BACH2: variants seen among roughly 807,000 people sequenced by gnomAD.
The protein encoded by BACH2 is BACH transcriptional regulator 2.
In BACH2, 5 loss-of-function variants were observed where a neutral mutation model predicts 61.8. That is an observed-to-expected ratio of 0.08 (90% confidence interval 0.04 to 0.17). The LOEUF (loss-of-function observed/expected upper bound fraction) is 0.17. BACH2 is among the 10% of genes least tolerant of loss of function. BACH2 has a pLI of 1.00. For missense variants in BACH2, 824 were observed against 1,091.1 expected (o/e 0.76, Z 3.45); for synonymous variants, 446 against 440.1 (o/e 1.01, Z -0.17).
At chr6:89,977,281 C>T (rs1775702993) in intron 6 of BACH2, among the ~76,000 whole-genome samples, 1 of 152,112 alleles carries the variant, frequency 6.6e-6, no homozygotes, top group African/African-American at 2.4e-5. Flanking sequence ...AAGCCATGTA[C>T]AGAAGGTTAG....
chr6:90,028,217 C>G (rs1778737101), intron 5 of BACH2, among the ~76,000 whole-genome samples: 1 of 152,228 alleles, frequency 6.6e-6, no homozygotes, highest in Admixed American at 6.5e-5. Context: ...ATTATCCTCA[C>G]CACTATTTGA....
At chr6:90,236,390 C>T (rs1201912910) in intron 3 of BACH2, among the ~76,000 whole-genome samples, 1 of 152,178 alleles carries the variant, frequency 6.6e-6, no homozygotes, top group Non-Finnish European at 1.5e-5. Flanking sequence ...AAAGAGTTCA[C>T]ACAATTAGCA....
chr6:90,252,401 AT>A (rs1403870908), intron 3 of BACH2, 111 bp downstream of exon 3: 2 of 152,182 alleles, frequency 1.3e-5, no homozygotes, highest in African/African-American at 4.8e-5. Context: ...AGTGTAAACC[AT>A]TTTGTTTCTT....
intron 5 of BACH2, among the ~76,000 whole-genome samples, chr6:90,070,160 G>A (rs1430812784): frequency 6.6e-6 from 1 of 152,162 alleles, no homozygotes. Context: ...GTTGGTCAAG[G>A]AGCAGGGGTT....
rs1774123490 is a variant in BACH2, at chr6:89,951,604, C to T, written c.502G>A (p.Glu168Lys). ...GCCGTCTCTGAATCCATCGTCTCCTCCTCTTCATCCTCCTCCTCTCCTGCA... is the reference window on the plus strand; with the variant it reads ...GCCGTCTCTGAATCCATCGTCTCCTTCTCTTCATCCTCCTCCTCTCCTGCA... ...NSAGEEEDEE[E>K]ETMDSETAKM... is the part of the protein sequence containing the mutation. Residue 168 changes from glutamate to lysine, a missense_variant, in exon 7 of 9, where the codon GAG becomes AAG. Physicochemically the swap from Glu to Lys is moderately conservative, Grantham distance 56. This residue lies in a region of BACH2 where 107 missense variants were observed against 121.7 expected (regional missense o/e 0.88). Transcript: ENST00000257749. The surrounding 1 kb of genome is among the most constrained non-coding windows in gnomAD (Gnocchi z 6.4). 4 of 1,614,060 alleles carry T rather than the reference C, an allele frequency of 2.5e-6. No individual in the cohort carries two copies. Among genetic ancestry groups the T allele is most frequent in the African/African-American group, 1.3e-5 (1 of 74,922 alleles).
intron 5 of BACH2, among the ~76,000 whole-genome samples, chr6:90,022,670 G>A (rs1030390844): frequency 9.2e-5 from 14 of 152,202 alleles, no homozygotes; most frequent in African/African-American, 2.7e-4. Flanking sequence ...ATATTAGAAT[G>A]TTGGTAGCAG....
intron 6 of BACH2, among the ~76,000 whole-genome samples, chr6:89,978,633 TAAAAAAAAAAAAAA>T (rs753724278): frequency 1.2e-5 from 1 of 86,036 alleles, no homozygotes; most frequent in East Asian, 2.9e-4. Context: ...GTGTTGGCTT[TAAAAAAAAAAAAAA>T]AAAAAAAAAA....
intron 6 of BACH2, among the ~76,000 whole-genome samples, chr6:89,980,849 T>G (rs2128363000): frequency 6.6e-6 from 1 of 152,338 alleles, no homozygotes; most frequent in Middle Eastern, 3.4e-3. Context: ...TAACCTTTTG[T>G]TCTCATCACA....
chr6:90,285,224 G>GT (rs1771984238), intron 1 of BACH2, among the ~76,000 whole-genome samples: 1 of 152,202 alleles, frequency 6.6e-6, no homozygotes. Context: ...CTGAGGTCAA[G>GT]TTTTTTGTTT....
intron 1 of BACH2, among the ~76,000 whole-genome samples, chr6:90,294,803 T>C (rs528762170): frequency 6.6e-6 from 1 of 152,222 alleles, no homozygotes. Flanking sequence ...GCTTCTTTCA[T>C]GTCAGCCCGA....
chr6:90,089,742 A>G (rs960263953), intron 4 of BACH2, among the ~76,000 whole-genome samples: 2 of 152,104 alleles, frequency 1.3e-5, no homozygotes, highest in African/African-American at 4.8e-5. Flanking sequence ...AAACTCCTTC[A>G]CCGAAACTCT....
intron 5 of BACH2, among the ~76,000 whole-genome samples, chr6:90,018,756 G>T (rs1778210344): frequency 6.6e-6 from 1 of 152,098 alleles, no homozygotes; most frequent in African/African-American, 2.4e-5. Flanking sequence ...TCCAATAAAA[G>T]ATAAAATATT....
intron 6 of BACH2, among the ~76,000 whole-genome samples, chr6:89,984,581 A>G (rs906336666): frequency 6.6e-6 from 1 of 152,154 alleles, no homozygotes; most frequent in Non-Finnish European, 1.5e-5. Flanking sequence ...TGAACCCTAA[A>G]AGCCTATTCC....
chr6:90,237,952 A>G (rs2127863196), intron 3 of BACH2, among the ~76,000 whole-genome samples: 1 of 152,364 alleles, frequency 6.6e-6, no homozygotes, highest in East Asian at 1.9e-4. Context: ...GACATGGGTC[A>G]TTCTAGAAAT....
At chr6:90,284,303 T>C (rs1771950614) in intron 1 of BACH2, among the ~76,000 whole-genome samples, 1 of 152,168 alleles carries the variant, frequency 6.6e-6, no homozygotes, top group Non-Finnish European at 1.5e-5. Flanking sequence ...CCTGGTGACA[T>C]CTGGGCAGCC....
intron 4 of BACH2, among the ~76,000 whole-genome samples, chr6:90,137,686 T>C (rs1219609147): frequency 5.3e-5 from 8 of 152,218 alleles, no homozygotes; most frequent in Admixed American, 5.2e-4. Flanking sequence ...GACATTTTTA[T>C]GTGGCTTTTA....
At chr6:90,002,222 C>A (rs547080510) in intron 6 of BACH2, among the ~76,000 whole-genome samples, 7 of 152,166 alleles carry the variant, frequency 4.6e-5, no homozygotes, top group Non-Finnish European at 1.0e-4. Flanking sequence ...TCTACCTTGC[C>A]GGCTCCTCTT....
At chr6:90,227,951 GCAACACTCCA>G (rs1769969863) in intron 3 of BACH2, among the ~76,000 whole-genome samples, 3 of 152,158 alleles carry the variant, frequency 2.0e-5, no homozygotes, top group African/African-American at 4.8e-5. Flanking sequence ...CTAGTGGCCT[GCAACACTCCA>G]TTTGCCATCC....
At chr6:90,189,533 G>T (rs183391663) in intron 4 of BACH2, among the ~76,000 whole-genome samples, 12 of 150,898 alleles carry the variant, frequency 8.0e-5, no homozygotes, top group Middle Eastern at 3.4e-3. Context: ...GCGTGAACCC[G>T]GGAAGCGGAG....
Sources: gnomAD v4.1 joint callset for allele counts (sites outside exome capture counted in the v4.1 genomes callset) on GRCh38, gnomAD v4.1.1 for gene constraint, gnomAD v4.1.1 regional missense constraint, Gnocchi (gnomAD v3.1) non-coding constraint, MANE v1.5 for transcripts, NCBI Gene and HGNC (gene_info 2026-07-23, HGNC 2026-07-21) for gene names.